Variants in CEP162 observed in about 807,000 individuals in gnomAD.
CEP162 encodes centrosomal protein 162.
In CEP162, 141 loss-of-function variants were observed where a neutral mutation model predicts 169.2. The ratio of observed to expected loss-of-function variants is 0.83; its 90% CI spans 0.73 to 0.96. The LOEUF (loss-of-function observed/expected upper bound fraction) is 0.96, where lower values mean the gene tolerates loss of function less well. Among genes scored for constraint, CEP162 ranks in the 40% least tolerant of loss-of-function variants. CEP162 has a pLI of 0.00. For synonymous variants in CEP162, 540 were observed against 526.4 expected, an observed-to-expected ratio of 1.03 and a Z score of -0.35; for missense variants, 1,600 against 1,587.2, an observed-to-expected ratio of 1.01 and a Z score of -0.14.
At chr6:84,184,456 G>A (rs746498330) in intron 13 of CEP162, among the ~76,000 whole-genome samples, 113 of 152,170 alleles carry the variant, frequency 7.4e-4, no homozygotes, top group Non-Finnish European at 1.2e-3. Flanking sequence ...GAAACTGCTT[G>A]TCCACTTTAT....
intron 6 of CEP162, among the ~76,000 whole-genome samples, chr6:84,209,397 G>A (rs939375159): frequency 4.7e-5 from 7 of 148,582 alleles, no homozygotes; most frequent in African/African-American, 1.7e-4. Context: ...TTCTTGAGAC[G>A]GAGTTTTGCT....
chr6:84,222,025 T>G (rs1343093716), intron 2 of CEP162, among the ~76,000 whole-genome samples: 1 of 150,916 alleles, frequency 6.6e-6, no homozygotes, highest in East Asian at 1.9e-4. Context: ...AATTGCGGAA[T>G]GAAAAAATGA....
At chr6:84,215,208 A>G in intron 5 of CEP162, 74 bp downstream of exon 5, 1 of 735,936 alleles carries the variant, frequency 1.4e-6, no homozygotes, top group East Asian at 3.1e-5. Flanking sequence ...TTACCTATTT[A>G]AAATCACACA....
At chr6:84,175,419 A>G (rs2099532014) in intron 13 of CEP162, 72 bp from the exon 14 acceptor site, 2 of 1,061,086 alleles carry the variant, frequency 1.9e-6, no homozygotes, top group Non-Finnish European at 2.7e-6. Context: ...ATTGTGTCCA[A>G]TAACTAAAAA....
chr6:84,147,353 G>A (rs2129198657), intron 24 of CEP162, among the ~76,000 whole-genome samples: 1 of 152,184 alleles, frequency 6.6e-6, no homozygotes, highest in East Asian at 1.9e-4. Context: ...GAAGGATGAA[G>A]AGAGGTTGGT....
At chr6:84,223,688 C>G (rs967241761) in intron 2 of CEP162, among the ~76,000 whole-genome samples, 16 of 151,938 alleles carry the variant, frequency 1.1e-4, no homozygotes, top group Admixed American at 3.9e-4. Flanking sequence ...AGGCGGATCA[C>G]TTGAGGTCAG....
chr6:84,156,744 A>G (rs1335731998), intron 21 of CEP162, among the ~76,000 whole-genome samples: 2 of 93,874 alleles, frequency 2.1e-5, no homozygotes, highest in Non-Finnish European at 3.6e-5. Context: ...TATCAAAAAG[A>G]CACACACACA....
chr6:84,189,821 C>T (rs1184911659), intron 11 of CEP162, among the ~76,000 whole-genome samples: 1 of 152,244 alleles, frequency 6.6e-6, no homozygotes, highest in African/African-American at 2.4e-5. Context: ...TAGGTGAAGC[C>T]AGCTGGGCTC....
rs750764556 is a variant in CEP162 at position 84,185,564 on chromosome 6, A to G, written c.1402-116T>C. 9 of 869,660 alleles carry G rather than the reference A, an allele frequency of 1.0e-5. No homozygotes were observed. In the East Asian group the frequency reaches 2.4e-4, roughly 23 times the overall value. The allele number at this position is 869,660 out of a possible 1,614,324, so 53.9% of individuals were successfully genotyped here. A position where few individuals can be genotyped will look rare whatever the true frequency, so the allele number is the denominator to read the frequency against. On this transcript the variant is annotated intron_variant, in intron 12 of 26. Coordinates refer to ENST00000403245, the MANE Select transcript of CEP162 (RefSeq NM_014895.4). The stretch of plus-strand genomic sequence containing the variant: ...ATTATCAAATAATGTAGTTTGTAAA[A>G]GGCAAACTACCATAGTTAAGTTCTT...
chr6:84,185,452 T>C lies in CEP162; in HGVS notation c.1402-4A>G, dbSNP rs1159243577. The C allele has an allele frequency of 1.9e-6, 3 of 1,604,676 alleles. No individual in the cohort carries two copies. In the Admixed American group the frequency reaches 5.1e-5, roughly 27 times the overall value. ...AACTAAGTTGAGATCTGTAAGTCTGTACACAACAAACAAAAGCTCTTTAGT... is the reference window on the plus strand; with the variant it reads ...AACTAAGTTGAGATCTGTAAGTCTGCACACAACAAACAAAAGCTCTTTAGT... On this transcript the variant is annotated splice_region_variant and splice_polypyrimidine_tract_variant and intron_variant, in intron 12 of 26. Transcript: ENST00000403245.
chr6:84,217,426 A>G (rs1433082722), intron 3 of CEP162, among the ~76,000 whole-genome samples: 2 of 152,196 alleles, frequency 1.3e-5, no homozygotes, highest in Non-Finnish European at 2.9e-5. Flanking sequence ...ACCAATCCAC[A>G]TGAATACATG....
Position 84,155,506 on chromosome 6 carries a change from T to C in CEP162, c.2786A>G (p.Lys929Arg). ...KKIQDLERQV[K>R]EMEGILKRRY... ...TCTCTTCAGAATCCCTTCCATTTCCTTAACCTATTAAAACATATTTTCCAC... is the reference window on the plus strand; with the variant it reads ...TCTCTTCAGAATCCCTTCCATTTCCCTAACCTATTAAAACATATTTTCCAC... The change falls in exon 22 of 27, where the codon AAG becomes AGG. Residue 929 changes from lysine to arginine, a missense_variant. Physicochemically the swap from Lys to Arg is conservative, Grantham distance 26 (BLOSUM62 2). Transcript: ENST00000403245. 1 of 1,594,192 alleles carries C rather than the reference T, an allele frequency of 6.3e-7. No individual in the cohort carries two copies.
chr6:84,208,153 G>A (rs1441373781), intron 6 of CEP162, among the ~76,000 whole-genome samples: 1 of 151,412 alleles, frequency 6.6e-6, no homozygotes, highest in African/African-American at 2.4e-5. Flanking sequence ...AATCCTGAGT[G>A]CTTCTTATCT....
intron 16 of CEP162, among the ~76,000 whole-genome samples, chr6:84,173,534 TA>T (rs532704002): frequency 6.0e-4 from 92 of 152,268 alleles, no homozygotes; most frequent in East Asian, 4.3e-3. Context: ...GTGGTAGAGC[TA>T]AGACTCAAAA....
In CEP162 at chr6:84,166,997, T is replaced by C. The variant is rs192086118; in HGVS notation, c.2385+2331A>G. ...TTTAAACTAACACCTTTATTTTTTT[T>C]CCCCTGATTTCTTTTAGGCTTCCCC... is the stretch of plus-strand genomic sequence containing the variant. On this transcript the variant is annotated intron_variant, in intron 18 of 26. Coordinates refer to ENST00000403245, the MANE Select transcript of CEP162 (RefSeq NM_014895.4). Among the ~76,000 whole-genome samples the C allele has an allele frequency of 3.1e-3, 478 of 152,310 alleles. 2 individuals carry two copies. Among genetic ancestry groups the C allele is most frequent in the African/African-American group, 0.01 (416 of 41,584 alleles).
chr6:84,185,055 C>G, intron 13 of CEP162, 132 bp downstream of exon 13: 1 of 745,196 alleles, frequency 1.3e-6, no homozygotes, highest in East Asian at 2.7e-5. Flanking sequence ...ATCACCTACA[C>G]TGCCACCACC....
intron 26 of CEP162, 50 bp downstream of exon 26, chr6:84,126,328 G>A: frequency 7.4e-7 from 1 of 1,348,800 alleles, no homozygotes; most frequent in East Asian, 2.6e-5. Context: ...CAAATTAAAG[G>A]CACTTAAAAG....
At chr6:84,148,303 TG>T (rs1305007258) in intron 24 of CEP162, among the ~76,000 whole-genome samples, 1 of 152,056 alleles carries the variant, frequency 6.6e-6, no homozygotes, top group African/African-American at 2.4e-5. Flanking sequence ...TCAAAGTGGG[TG>T]GATCACTTGA....
At chr6:84,166,297 C>A (rs1053798504) in intron 18 of CEP162, among the ~76,000 whole-genome samples, 3 of 152,154 alleles carry the variant, frequency 2.0e-5, no homozygotes, top group Admixed American at 6.5e-5. Context: ...CGGGCTTTTG[C>A]ATTTGCTCTT....
Sources: gnomAD v4.1 joint callset for allele counts (sites outside exome capture counted in the v4.1 genomes callset) on GRCh38, gnomAD v4.1.1 for gene constraint, MANE v1.5 for transcripts, NCBI Gene and HGNC (gene_info 2026-07-23, HGNC 2026-07-21) for gene names.